ATP5MC2: variants seen among roughly 807,000 people sequenced by gnomAD.
ATP5MC2 encodes ATP synthase F(0) complex subunit C2, mitochondrial.
Under a neutral mutation model 13.5 loss-of-function variants are expected in ATP5MC2, and 11 were observed. That is an observed-to-expected ratio of 0.81 (90% CI 0.51 to 1.35). ATP5MC2 has a LOEUF of 1.35. Among genes scored for constraint, ATP5MC2 ranks in the 40% most tolerant of loss-of-function variants. The pLI, the probability that ATP5MC2 is intolerant of heterozygous loss-of-function variation, is 0.00. For synonymous variants in ATP5MC2, 64 were observed against 69.7 expected (o/e 0.92, Z 0.41); for missense variants, 132 against 175.0 (o/e 0.75, Z 1.39).
chr12:53,670,608 GTTTCTTTC>G (rs553014957), intron 2 of ATP5MC2, among the ~76,000 whole-genome samples: 1 of 151,736 alleles, frequency 6.6e-6, no homozygotes, highest in East Asian at 1.9e-4. Context: ...TCGAAGTATG[GTTTCTTTC>G]TTTCTTTCTT....
At chr12:53,675,699 G>A (rs150159710) in intron 1 of ATP5MC2, among the ~76,000 whole-genome samples, 100 of 152,370 alleles carry the variant, frequency 6.6e-4, no homozygotes, top group African/African-American at 2.3e-3. Context: ...AGAAAGCAGA[G>A]ATAGGAGGGG....
At chr12:53,676,231 G>A, upstream of ATP5MC2, 3 of 1,597,426 alleles carry the variant, frequency 1.9e-6, no homozygotes, top group Non-Finnish European at 1.7e-6. Flanking sequence ...GTATCCGGCC[G>A]GTTGCTCCAC....
upstream of ATP5MC2, chr12:53,676,469 A>C: frequency 2.7e-6 from 1 of 370,994 alleles, no homozygotes; most frequent in Non-Finnish European, 4.9e-6. Flanking sequence ...AGTGCCTAAA[A>C]TGCAGCAGGA....
At chr12:53,666,135 C>T (rs1944907787) in intron 4 of ATP5MC2, among the ~76,000 whole-genome samples, 1 of 151,774 alleles carries the variant, frequency 6.6e-6, no homozygotes, top group South Asian at 2.1e-4. Flanking sequence ...TGGTGAAACC[C>T]CGTCTCTACT....
intron 4 of ATP5MC2, among the ~76,000 whole-genome samples, chr12:53,666,531 C>T (rs1200568123): frequency 2.7e-5 from 4 of 147,198 alleles, no homozygotes; most frequent in East Asian, 2.1e-4. Flanking sequence ...GATCCAAGAC[C>T]GCAGCCACTG....
chr12:53,670,056 G>T, intron 2 of ATP5MC2, 108 bp from the exon 3 acceptor site: 2 of 978,234 alleles, frequency 2.0e-6, no homozygotes, highest in Admixed American at 1.9e-5. Flanking sequence ...TTCCTCTCAT[G>T]GCCTTTCCAT....
upstream of ATP5MC2, among the ~76,000 whole-genome samples, chr12:53,680,468 T>C (rs1945334930): frequency 6.6e-6 from 1 of 152,176 alleles, no homozygotes; most frequent in East Asian, 1.9e-4. Flanking sequence ...TAATAGGAGT[T>C]GTGGAAGCAG....
chr12:53,673,351 A>AAACAAACAAAC (rs1349761617), intron 1 of ATP5MC2: 60 of 136,156 alleles, frequency 4.4e-4, no homozygotes, highest in Middle Eastern at 3.4e-3. Context: ...AACAAACAAA[A>AAACAAACAAAC]AGTTGCCCTT....
intron 2 of ATP5MC2, 133 bp from the exon 3 acceptor site, chr12:53,670,081 T>TA (rs1945052380): frequency 1.3e-6 from 1 of 775,044 alleles, no homozygotes; most frequent in African/African-American, 1.7e-5. Flanking sequence ...ACATGTACGT[T>TA]AGAGTTTTGG....
intron 2 of ATP5MC2, 87 bp from the exon 3 acceptor site, chr12:53,670,035 C>T: frequency 7.9e-7 from 1 of 1,270,014 alleles, no homozygotes; most frequent in East Asian, 2.3e-5. Context: ...CATCATCAGA[C>T]AAGATTTTCT....
intron 4 of ATP5MC2, among the ~76,000 whole-genome samples, chr12:53,667,878 C>T (rs1385586020): frequency 1.3e-5 from 2 of 149,232 alleles, no homozygotes; most frequent in South Asian, 4.2e-4. Context: ...AACACATGCT[C>T]TAGACCAAAG....
intron 2 of ATP5MC2, among the ~76,000 whole-genome samples, chr12:53,670,628 T>C (rs573565932): frequency 2.0e-3 from 299 of 150,962 alleles, no homozygotes; most frequent in Non-Finnish European, 2.7e-3. Flanking sequence ...TTCTTTCTTT[T>C]TTTTTTTTGA....
chr12:53,672,568 G>A lies in ATP5MC2; in HGVS notation c.39+8C>T, dbSNP rs761208313. 1 of 1,569,584 alleles carries A rather than the reference G, an allele frequency of 6.4e-7. No individual in the cohort carries two copies. Among genetic ancestry groups the A allele is most frequent in the South Asian group, 1.2e-5 (1 of 85,376 alleles). ...CTTTAAAACTCTCCCAGAAAAGCAG[G>A]TACTCACCAAGGAGGGAGTGGAGAC... On this transcript the variant is annotated splice_region_variant and intron_variant, in intron 2 of 4. Coordinates refer to ENST00000394349, the MANE Select transcript of ATP5MC2 (RefSeq NM_005176.7).
At chr12:53,676,339 C>G (rs1565630284), upstream of ATP5MC2, 7 of 1,251,422 alleles carry the variant, frequency 5.6e-6, 1 homozygote, top group South Asian at 3.0e-5. Context: ...GCGGTTTGGT[C>G]TGTACCGCGT....
chr12:53,678,905 T>C (rs1466919074), upstream of ATP5MC2, among the ~76,000 whole-genome samples: 1 of 152,164 alleles, frequency 6.6e-6, no homozygotes, highest in Admixed American at 6.5e-5. Context: ...TTAATGACTG[T>C]GAGTGGCAGA....
intron 4 of ATP5MC2, 145 bp from the exon 5 acceptor site, chr12:53,665,573 A>C: frequency 4.2e-6 from 3 of 707,392 alleles, no homozygotes; most frequent in Non-Finnish European, 7.3e-6. Context: ...ATCATGCCCA[A>C]ATTCTTGCCC....
upstream of ATP5MC2, among the ~76,000 whole-genome samples, chr12:53,679,437 C>T (rs75123826): frequency 0.015 from 2,280 of 152,316 alleles, 39 homozygotes; most frequent in African/African-American, 0.041. Context: ...GATAGAACAG[C>T]TGTCTTCGAG....
upstream of ATP5MC2, among the ~76,000 whole-genome samples, chr12:53,680,890 C>A (rs993652704): frequency 2.0e-5 from 3 of 152,084 alleles, no homozygotes; most frequent in African/African-American, 7.2e-5. Context: ...AAAATGGACA[C>A]CCATTAAACC....
At chr12:53,675,918 G>T in intron 1 of ATP5MC2, 135 bp downstream of exon 1, 5 of 1,336,618 alleles carry the variant, frequency 3.7e-6, no homozygotes, top group Non-Finnish European at 5.0e-6. Context: ...TAAGGCTAAG[G>T]GATAGCGGAA....
Sources: allele counts gnomAD v4.1 joint callset (sites outside exome capture counted in the v4.1 genomes callset), GRCh38; gene constraint gnomAD v4.1.1; transcripts MANE v1.5; gene names NCBI Gene and HGNC (gene_info 2026-07-23, HGNC 2026-07-21).